GFRA2: variants seen among roughly 807,000 people sequenced by gnomAD.
The protein encoded by GFRA2 is GDNF family receptor alpha 2, also known as GDNF family receptor alpha-2.
Under a neutral mutation model 48.3 loss-of-function variants are expected in GFRA2, and 17 were observed. The ratio of observed to expected loss-of-function variants is 0.35; its 90% CI spans 0.24 to 0.53. GFRA2 has a LOEUF of 0.53. GFRA2 is among the 20% of genes least tolerant of loss of function. The pLI, the probability that GFRA2 is intolerant of heterozygous loss-of-function variation, is 0.93. For synonymous variants in GFRA2, 305 were observed against 257.2 expected (o/e 1.19, Z -1.78); for missense variants, 660 against 637.3 (o/e 1.04, Z -0.38).
chr8:21,740,641 T>C (rs1474172827), intron 4 of GFRA2, among the ~76,000 whole-genome samples: 2 of 152,244 alleles, frequency 1.3e-5, no homozygotes, highest in African/African-American at 4.8e-5. Flanking sequence ...CCACCCAGAC[T>C]CTCCCTAGGA....
chr8:21,775,726 G>C (rs779299331), intron 2 of GFRA2, among the ~76,000 whole-genome samples: 13 of 152,180 alleles, frequency 8.5e-5, no homozygotes, highest in Non-Finnish European at 1.8e-4. Context: ...GCTTCCATCT[G>C]CGTGGTCCCT....
chr8:21,720,100 A>G (rs1466016464), intron 4 of GFRA2, among the ~76,000 whole-genome samples: 1 of 152,148 alleles, frequency 6.6e-6, no homozygotes, highest in African/African-American at 2.4e-5. Context: ...TGCAAACCCT[A>G]TTATTCCACG....
intron 4 of GFRA2, among the ~76,000 whole-genome samples, chr8:21,726,280 TATTA>T (rs377472299): frequency 9.3e-4 from 142 of 152,004 alleles, no homozygotes; most frequent in African/African-American, 3.2e-3. Context: ...TCTCAGGGGG[TATTA>T]ATTGTCATGA....
rs1392852698 is a variant in GFRA2, at chr8:21,787,260, C to CGG, written c.40+858_40+859dup. ...CAGCCTCTCCTCCCTGTCTTGGAGG[C>CGG]GGCGGGGGGGGCAGTGGGGGGGGTT... On this transcript the variant is annotated intron_variant, in intron 1 of 8. Transcript: ENST00000524240. Among the ~76,000 whole-genome samples, 366 of 61,062 alleles carry CGG rather than the reference C, an allele frequency of 6.0e-3. 3 individuals carry two copies. The highest frequency in any genetic ancestry group is 0.014 in the African/African-American group (202 of 14,370). The allele number at this position is 61,062 out of a possible 152,430, so 40.1% of individuals were successfully genotyped here.
At chr8:21,697,126 AAGGGGGAGGGGACAGAGGGAG>A in intron 7 of GFRA2, among the ~76,000 whole-genome samples, 2 of 101,118 alleles carry the variant, frequency 2.0e-5, no homozygotes, top group East Asian at 3.1e-4. Flanking sequence ...GAGGGGAGAG[AAGGGGGAGGGGACAGAGGGAG>A]AGGGGAAGGG....
At chr8:21,714,568 T>C (rs929269401) in intron 4 of GFRA2, among the ~76,000 whole-genome samples, 1 of 152,128 alleles carries the variant, frequency 6.6e-6, no homozygotes, top group African/African-American at 2.4e-5. Context: ...ATACCTGTTA[T>C]GTCACTTCCA....
At chr8:21,697,910 T>C (rs1292932759) in intron 7 of GFRA2, among the ~76,000 whole-genome samples, 1 of 152,194 alleles carries the variant, frequency 6.6e-6, no homozygotes, top group East Asian at 1.9e-4. Flanking sequence ...GCCATGATTG[T>C]GAGGCCTCCC....
Position 21,696,382 on chromosome 8 carries a change from A to T in GFRA2, c.1219-1865T>A, listed in dbSNP as rs557741693. 3.3e-5 allele frequency among the ~76,000 whole-genome samples: 5 copies of T among 151,444 alleles called. No homozygotes were observed. The South Asian group carries it at 6.2e-4, about 19-fold the overall frequency. On this transcript the variant is annotated intron_variant, in intron 7 of 8. Transcript: ENST00000524240. ...GTTTTGTATATTGGAGTCTTAGCTT[A>T]TTTGTATATTGGAGGTACGCATAAA...
Position 21,730,896 on chromosome 8 carries a change from A to T in GFRA2, c.794+19692T>A, listed in dbSNP as rs1218271510. Among the ~76,000 whole-genome samples the T allele has an allele frequency of 3.3e-5, 5 of 152,212 alleles. No individual in the cohort carries two copies. The East Asian group carries it at 9.6e-4, about 29-fold the overall frequency. Reference sequence around the variant, plus strand: ...ACAGAATTTGAGATAAGTATTAATTATCAAGATAAAGGAGCAGGCCCAGAG... The same window carrying T: ...ACAGAATTTGAGATAAGTATTAATTTTCAAGATAAAGGAGCAGGCCCAGAG... On this transcript the variant is annotated intron_variant, in intron 4 of 8. Coordinates refer to ENST00000524240, the MANE Select transcript of GFRA2 (RefSeq NM_001495.5).
At chr8:21,783,301 C>T (rs1281733440) in intron 1 of GFRA2, among the ~76,000 whole-genome samples, 2 of 152,134 alleles carry the variant, frequency 1.3e-5, no homozygotes, top group African/African-American at 4.8e-5. Context: ...ACTTGCATAC[C>T]ACCCAGGCCT....
intron 4 of GFRA2, among the ~76,000 whole-genome samples, chr8:21,743,885 A>G (rs1804869871): frequency 6.6e-6 from 1 of 152,212 alleles, no homozygotes; most frequent in Non-Finnish European, 1.5e-5. Flanking sequence ...GAGATCAAGG[A>G]ACCCTTAGGA....
chr8:21,792,127 A>C (rs368994199), upstream of GFRA2, among the ~76,000 whole-genome samples: 3 of 152,260 alleles, frequency 2.0e-5, no homozygotes, highest in East Asian at 1.9e-4. Context: ...CCTTTCTCTT[A>C]TCTCTCTAGT....
intron 4 of GFRA2, among the ~76,000 whole-genome samples, chr8:21,737,141 T>C (rs1348918258): frequency 1.3e-5 from 2 of 152,050 alleles, no homozygotes; most frequent in Admixed American, 6.6e-5. Flanking sequence ...CACCCTAATT[T>C]CCAACACGAT....
chr8:21,732,630 G>A (rs1172955558), intron 4 of GFRA2, among the ~76,000 whole-genome samples: 6 of 152,226 alleles, frequency 3.9e-5, no homozygotes, highest in South Asian at 4.1e-4. Context: ...TCTGAGTCCC[G>A]TGAGCCCAGC....
At chr8:21,763,950 AACACACACACAC>A (rs527247743) in intron 3 of GFRA2, among the ~76,000 whole-genome samples, 20,798 of 123,204 alleles carry the variant, frequency 0.17, 2,173 homozygotes, top group East Asian at 0.27. Flanking sequence ...GTCACTAGGT[AACACACACACAC>A]ACACACACAC....
intron 4 of GFRA2, among the ~76,000 whole-genome samples, chr8:21,748,252 G>C (rs1443289406): frequency 6.6e-6 from 1 of 152,060 alleles, no homozygotes; most frequent in Non-Finnish European, 1.5e-5. Context: ...TAGTCCCCCA[G>C]GCCCCTCAAA....
intron 4 of GFRA2, among the ~76,000 whole-genome samples, chr8:21,745,723 T>C (rs766495672): frequency 3.3e-5 from 5 of 152,138 alleles, no homozygotes; most frequent in East Asian, 1.9e-4. Context: ...CGGGCATCCA[T>C]AGGACAACTG....
chr8:21,773,713 G>C (rs1478228527), intron 3 of GFRA2, among the ~76,000 whole-genome samples: 2 of 152,184 alleles, frequency 1.3e-5, no homozygotes, highest in Admixed American at 1.3e-4. Context: ...GAATGGTTGA[G>C]AAACATGGTC....
chr8:21,749,803 A>G (rs1012983749), intron 4 of GFRA2, among the ~76,000 whole-genome samples: 5 of 151,628 alleles, frequency 3.3e-5, no homozygotes, highest in African/African-American at 4.8e-5. Flanking sequence ...CTCATTAGCT[A>G]TGTAACCTTG....
Sources: gnomAD v4.1 joint callset for allele counts (sites outside exome capture counted in the v4.1 genomes callset) on GRCh38, gnomAD v4.1.1 for gene constraint, MANE v1.5 for transcripts, NCBI Gene and HGNC (gene_info 2026-07-23, HGNC 2026-07-21) for gene names.